TULP4: variants seen among roughly 807,000 people sequenced by gnomAD.
The protein encoded by TULP4 is TUB like protein 4.
In TULP4, 16 loss-of-function variants were observed where a neutral mutation model predicts 129.0. That is an observed-to-expected ratio of 0.12 (90% CI 0.08 to 0.19). The LOEUF (loss-of-function observed/expected upper bound fraction) is 0.19, where lower values mean the gene tolerates loss of function less well. TULP4 is among the 10% of genes least tolerant of loss of function. The pLI is 1.00. For missense variants in TULP4, 1,842 were observed against 2,059.1 expected, an observed-to-expected ratio of 0.89 and a Z score of 2.04; for synonymous variants, 998 against 854.0, an observed-to-expected ratio of 1.17 and a Z score of -2.94.
chr6:158,421,135 G>T (rs2115031082), intron 2 of TULP4, among the ~76,000 whole-genome samples: 1 of 152,240 alleles, frequency 6.6e-6, no homozygotes, highest in Non-Finnish European at 1.5e-5. Context: ...GCTGAGGTGG[G>T]CGGATCACGA....
intron 3 of TULP4, among the ~76,000 whole-genome samples, chr6:158,430,399 G>C (rs925794217): frequency 6.6e-6 from 1 of 152,134 alleles, no homozygotes; most frequent in Non-Finnish European, 1.5e-5. Context: ...GTGCCTATTT[G>C]ACTTTCATGA....
In TULP4 at chr6:158,502,625, C is replaced by A. The variant is rs200667552; in HGVS notation, c.2962C>A (p.Arg988=). Residue 988 remains arginine, a synonymous_variant, in exon 13 of 14, where the codon CGG becomes AGG. Transcript: ENST00000367097. The part of the protein sequence containing the change: ...SDNSLIHATL[R]RNNREATLKM... ...CAATAGCCTCATCCACGCTACCCTG[C>A]GGAGGAACAACCGTGAGGCTACGCT... 6.3e-7 allele frequency: 1 copy of A among 1,595,122 alleles called. No homozygotes were observed.
At position 158,503,962 on chromosome 6, in the gene TULP4, G is replaced by A; in HGVS notation, c.4299G>A (p.Lys1433=). 1 of 1,613,530 alleles carries A rather than the reference G, an allele frequency of 6.2e-7. No homozygotes were observed. Among genetic ancestry groups the A allele is most frequent in the Non-Finnish European group, 8.5e-7 (1 of 1,179,708 alleles). ...SQGSRKGWKS[K]RSPRAAGELE... ...GCAGCAGAAAGGGCTGGAAAAGCAA[G>A]CGCTCCCCACGGGCCGCCGGCGAGC... Residue 1433 remains lysine, a synonymous_variant, in exon 13 of 14, where the codon AAG becomes AAA. Coordinates refer to ENST00000367097, the MANE Select transcript of TULP4 (RefSeq NM_020245.5). The surrounding 1 kb of genome is among the most constrained non-coding windows in gnomAD (Gnocchi z 4.3).
At chr6:158,266,755 A>G (rs1778454467) in intron 1 of TULP4, among the ~76,000 whole-genome samples, 1 of 152,244 alleles carries the variant, frequency 6.6e-6, no homozygotes, top group Admixed American at 6.5e-5. Flanking sequence ...TGTGCAAATA[A>G]TATGCCATTT....
rs1780613404 is a variant in TULP4, at chr6:158,506,763, G to A, written c.*69G>A. 1 of 1,108,886 alleles carries A rather than the reference G, an allele frequency of 9.0e-7. No individual in the cohort carries two copies. Among genetic ancestry groups the A allele is most frequent in the Non-Finnish European group, 1.4e-6 (1 of 730,448 alleles). The allele number at this position is 1,108,886 out of a possible 1,614,324, so 68.7% of individuals were successfully genotyped here. ...AGAGGTCTTCGGAGATGCCAGAGGA[G>A]CCCTCTAGGGGTCCGATGCCTGGGA... On this transcript the variant is annotated 3_prime_UTR_variant, in exon 14 of 14. Coordinates refer to ENST00000367097, the MANE Select transcript of TULP4 (RefSeq NM_020245.5).
chr6:158,378,195 G>T (rs756871548), intron 1 of TULP4, among the ~76,000 whole-genome samples: 2 of 152,116 alleles, frequency 1.3e-5, no homozygotes, highest in Non-Finnish European at 2.9e-5. Flanking sequence ...GCATTCCGTT[G>T]GCCAAAGTCA....
intron 1 of TULP4, among the ~76,000 whole-genome samples, chr6:158,370,949 C>T (rs1006378029): frequency 6.6e-6 from 1 of 152,128 alleles, no homozygotes; most frequent in African/African-American, 2.4e-5. Context: ...GAGCTGAAAT[C>T]GTGCCACTGC....
chr6:158,319,149 T>C (rs1779564786), intron 1 of TULP4, among the ~76,000 whole-genome samples: 1 of 152,176 alleles, frequency 6.6e-6, no homozygotes, highest in African/African-American at 2.4e-5. Flanking sequence ...GTTGTTGTTA[T>C]TCCATCACTT....
intron 8 of TULP4, among the ~76,000 whole-genome samples, chr6:158,485,202 G>A (rs757665501): frequency 6.6e-6 from 1 of 152,212 alleles, no homozygotes; most frequent in Admixed American, 6.5e-5. Flanking sequence ...AGATTTGTAA[G>A]CAAAGTGTTG....
rs2128483199 is a variant in TULP4 at position 158,313,945 on chromosome 6, A to G, written c.-72A>G. 6.4e-7 allele frequency: 1 copy of G among 1,555,434 alleles called. No homozygotes were observed. On this transcript the variant is annotated 5_prime_UTR_variant, in exon 1 of 14. Transcript: ENST00000367097. ...AGCCAACCACAAAAACACATATACCAATGAAAGAAATTGGTTTAAATTTCA... is the reference window on the plus strand; with the variant it reads ...AGCCAACCACAAAAACACATATACCGATGAAAGAAATTGGTTTAAATTTCA...
chr6:158,349,071 C>A, intron 1 of TULP4, among the ~76,000 whole-genome samples: 1 of 122,556 alleles, frequency 8.2e-6, no homozygotes, highest in Non-Finnish European at 1.8e-5. Flanking sequence ...GGCGGCCAGG[C>A]AGAGGCGCTC....
intron 1 of TULP4, among the ~76,000 whole-genome samples, chr6:158,322,241 G>A (rs1435575517): frequency 6.6e-6 from 1 of 152,208 alleles, no homozygotes; most frequent in East Asian, 1.9e-4. Flanking sequence ...CATAGAAAGT[G>A]ACTTTTAGTA....
intron 1 of TULP4, among the ~76,000 whole-genome samples, chr6:158,324,561 C>A (rs1583748580): frequency 6.6e-6 from 1 of 152,188 alleles, no homozygotes; most frequent in Non-Finnish European, 1.5e-5. Context: ...AGGCACTGTT[C>A]CTGCCCAGAT....
chr6:158,350,704 AAG>A (rs2114797988), intron 1 of TULP4, among the ~76,000 whole-genome samples: 1 of 151,846 alleles, frequency 6.6e-6, no homozygotes, highest in East Asian at 1.9e-4. Context: ...CAGGCTTGGC[AAG>A]AGAGGGAGAC....
intron 1 of TULP4, among the ~76,000 whole-genome samples, chr6:158,262,066 G>A (rs1276686977): frequency 1.3e-5 from 2 of 152,196 alleles, no homozygotes; most frequent in Non-Finnish European, 2.9e-5. Context: ...CCGGGATTCT[G>A]TTGGTGAGGA....
At chr6:158,385,280 C>G (rs756881039) in intron 1 of TULP4, among the ~76,000 whole-genome samples, 14 of 152,186 alleles carry the variant, frequency 9.2e-5, no homozygotes, top group Non-Finnish European at 1.9e-4. Flanking sequence ...AAAGACTCAT[C>G]TTGCTGACTT....
At position 158,314,284 on chromosome 6, in the gene TULP4, G is replaced by GT; in HGVS notation, c.252+19dup. On this transcript the variant is annotated intron_variant, in intron 1 of 13. Transcript: ENST00000367097. ...CAATAGCGAGGTGAGCTGTGGTTTT[G>GT]TTTCACTTTTTGGTCACTTCCAGTG... 6.2e-7 allele frequency: 1 copy of GT among 1,609,084 alleles called. No individual in the cohort carries two copies. Among genetic ancestry groups the GT allele is most frequent in the Non-Finnish European group, 8.5e-7 (1 of 1,177,008 alleles).
chr6:158,358,507 T>G (rs7765826), intron 1 of TULP4, among the ~76,000 whole-genome samples: 1,810 of 152,314 alleles, frequency 0.012, 40 homozygotes, highest in African/African-American at 0.04. Context: ...CCCTTGAGGG[T>G]GAAGTATTTC....
intron 1 of TULP4, among the ~76,000 whole-genome samples, chr6:158,239,024 C>T (rs1249735534): frequency 5.6e-5 from 8 of 142,824 alleles, no homozygotes; most frequent in Non-Finnish European, 7.8e-5. Flanking sequence ...GCGCCCCTCA[C>T]CTCCCGGACG....
Sources: allele counts gnomAD v4.1 joint callset (sites outside exome capture counted in the v4.1 genomes callset), GRCh38; gene constraint gnomAD v4.1.1; non-coding constraint Gnocchi (gnomAD v3.1); transcripts MANE v1.5; gene names NCBI Gene and HGNC (gene_info 2026-07-23, HGNC 2026-07-21).